The following ITGAM variants were observed in gnomAD, a reference collection of about 807,000 sequenced individuals.
ITGAM encodes the protein integrin subunit alpha M.
Under a neutral mutation model 137.5 loss-of-function variants are expected in ITGAM, and 79 were observed. That is an observed-to-expected ratio of 0.57 (90% confidence interval 0.48 to 0.69). The LOEUF (loss-of-function observed/expected upper bound fraction) is 0.69. Among genes scored for constraint, ITGAM ranks in the 30% least tolerant of loss-of-function variants. ITGAM has a pLI of 0.00. For missense variants in ITGAM, 1,343 were observed against 1,483.5 expected (o/e 0.91, Z 1.56); for synonymous variants, 583 against 592.3 (o/e 0.98, Z 0.23).
In ITGAM at chr16:31,287,616, G is replaced by A. The variant is rs762276802; in HGVS notation, c.1356+9507G>A. Among the ~76,000 whole-genome samples the A allele has an allele frequency of 2.0e-4, 30 of 151,504 alleles. No homozygotes were observed. In the East Asian group the frequency reaches 3.7e-3, roughly 19 times the overall value. On this transcript the variant is annotated intron_variant, in intron 12 of 29. Transcript: ENST00000544665. ...TGTGTTCCCAGGTACTTCATTTTTC[G>A]TTTCTGCCTGTAGTTCTGTGTGTTT...
chr16:31,324,307 C>A lies in ITGAM; in HGVS notation c.2003-92C>A. The A allele has an allele frequency of 1.9e-6, 2 of 1,060,482 alleles. No homozygotes were observed. The highest frequency in any genetic ancestry group is 2.8e-6 in the Non-Finnish European group (2 of 718,400). The allele number at this position is 1,060,482 out of a possible 1,614,324, so 65.7% of individuals were successfully genotyped here. ...GTCAGATAACATACCCCAAGTCACACAGCTGAGAAGCAGAGGAGCTGGGCC... is the reference window on the plus strand; with the variant it reads ...GTCAGATAACATACCCCAAGTCACAAAGCTGAGAAGCAGAGGAGCTGGGCC... On this transcript the variant is annotated intron_variant, in intron 16 of 29. Coordinates refer to ENST00000544665, the MANE Select transcript of ITGAM (RefSeq NM_000632.4). This position sits in a 1 kb window ranked among gnomAD's most constrained non-coding sequence, Gnocchi z 4.5.
chr16:31,302,277 A>G (rs2080204476), intron 14 of ITGAM, among the ~76,000 whole-genome samples: 1 of 152,192 alleles, frequency 6.6e-6, no homozygotes, highest in Admixed American at 6.5e-5. Context: ...AATCAACCCA[A>G]CTAGAGGCAC....
rs1173558886 is a variant in ITGAM, at chr16:31,327,099, G to GTGC, written c.2708+167_2708+169dup. The GTGC allele has an allele frequency of 5.9e-6, 4 of 672,734 alleles. No homozygotes were observed. In the Admixed American group the frequency reaches 9.1e-5, roughly 15 times the overall value. 41.7% of individuals were successfully genotyped at this position (672,734 alleles called of 1,614,324 possible). A position where few individuals can be genotyped will look rare whatever the true frequency, so the allele number is the denominator to read the frequency against. The stretch of plus-strand genomic sequence containing the variant: ...CACCACGTGCTGGGCCTTGTGCTGA[G>GTGC]TGCTGGTGGGATGGTGGTGGATCAG... On this transcript the variant is annotated intron_variant, in intron 22 of 29. Coordinates refer to ENST00000544665, the MANE Select transcript of ITGAM (RefSeq NM_000632.4).
chr16:31,319,634 T>A (rs578007291), intron 14 of ITGAM, among the ~76,000 whole-genome samples: 152 of 152,222 alleles, frequency 1.0e-3, no homozygotes, highest in Middle Eastern at 3.4e-3. Context: ...GTTTTGAGAG[T>A]TTGCTTCTGT....
At chr16:31,271,218 T>A in intron 6 of ITGAM, 134 bp downstream of exon 6, 1 of 678,046 alleles carries the variant, frequency 1.5e-6, no homozygotes, top group Admixed American at 3.8e-5. Context: ...TTTGCCTTCC[T>A]GAGTCTCTTT....
At chr16:31,274,610 A>ATATATT (rs1555465397) in intron 8 of ITGAM, among the ~76,000 whole-genome samples, 1 of 148,924 alleles carries the variant, frequency 6.7e-6, no homozygotes, top group African/African-American at 2.6e-5. Flanking sequence ...TTATTTATTT[A>ATATATT]TATTTATTTA....
At chr16:31,264,709 A>G (rs1817941156) in intron 2 of ITGAM, among the ~76,000 whole-genome samples, 1 of 151,850 alleles carries the variant, frequency 6.6e-6, no homozygotes, top group Non-Finnish European at 1.5e-5. Context: ...GCTAATTTTT[A>G]AAAACATTTT....
intron 14 of ITGAM, among the ~76,000 whole-genome samples, chr16:31,320,047 C>T (rs1297981043): frequency 2.0e-5 from 3 of 152,044 alleles, no homozygotes; most frequent in Non-Finnish European, 2.9e-5. Context: ...CTCCTGACCT[C>T]GTGATCCGCC....
rs201337283 is a variant in ITGAM at position 31,331,896 on chromosome 16, T to C, written c.*189T>C. On this transcript the variant is annotated 3_prime_UTR_variant, in exon 30 of 30. Transcript: ENST00000544665. ...GTGTCTGTGTGCAAGTGTGTGCACA[T>C]GTGTGCGTGTGCGTGCATGTGCACT... The C allele has an allele frequency of 7.4e-5, 12 of 162,672 alleles. No homozygotes were observed. Among genetic ancestry groups the C allele is most frequent in the Non-Finnish European group, 1.3e-4 (10 of 76,316 alleles). 10.1% of individuals were successfully genotyped at this position (162,672 alleles called of 1,614,324 possible). A position where few individuals can be genotyped will look rare whatever the true frequency, so the allele number is the denominator to read the frequency against.
chr16:31,283,217 G>A (rs1177829256), intron 12 of ITGAM, among the ~76,000 whole-genome samples: 4 of 152,084 alleles, frequency 2.6e-5, no homozygotes, highest in Non-Finnish European at 5.9e-5. Context: ...TCTTCTTGAG[G>A]AGTATCTTTG....
At chr16:31,271,558 G>A (rs997749982) in intron 6 of ITGAM, among the ~76,000 whole-genome samples, 2 of 152,086 alleles carry the variant, frequency 1.3e-5, no homozygotes, top group African/African-American at 4.8e-5. Flanking sequence ...TCACCATTTT[G>A]GCCAGGCTGG....
intron 12 of ITGAM, among the ~76,000 whole-genome samples, chr16:31,283,487 T>A (rs1428158103): frequency 1.3e-5 from 2 of 152,234 alleles, no homozygotes; most frequent in African/African-American, 4.8e-5. Context: ...CAATCACTGA[T>A]ACCCTTTCTC....
chr16:31,317,730 A>G (rs549950092), intron 14 of ITGAM, among the ~76,000 whole-genome samples: 2 of 152,012 alleles, frequency 1.3e-5, no homozygotes, highest in African/African-American at 2.4e-5. Context: ...ATTGATTTGC[A>G]TATGTTGAGC....
In ITGAM at chr16:31,271,912, C is replaced by T. The variant is rs748844729; in HGVS notation, c.624C>T (p.Asn208=). The part of the protein sequence containing the change: ...IHFTFKEFQN[N]PNPRSLVKPI... ...TTACCTTCAAAGAGTTCCAGAACAA[C>T]CCTAACCCAAGATCACTGGTGAAGC... Residue 208 remains asparagine (N), a synonymous_variant, in exon 7 of 30, where the codon AAC becomes AAT. Coordinates refer to ENST00000544665, the MANE Select transcript of ITGAM (RefSeq NM_000632.4). 14 of 1,614,050 alleles carry T rather than the reference C, an allele frequency of 8.7e-6. 3 individuals carry two copies. In the South Asian group the frequency reaches 1.4e-4, roughly 16 times the overall value.
chr16:31,326,542 A>C (rs1357341991), intron 21 of ITGAM, among the ~76,000 whole-genome samples: 3 of 152,056 alleles, frequency 2.0e-5, no homozygotes, highest in African/African-American at 7.2e-5. Flanking sequence ...TCACTCTCCC[A>C]AGTAGCTGGG....
At chr16:31,328,098 C>A (rs1555471393) in intron 22 of ITGAM, 49 bp from the exon 23 acceptor site, 5 of 1,414,594 alleles carry the variant, frequency 3.5e-6, no homozygotes, top group Non-Finnish European at 5.0e-6. Flanking sequence ...GGAGCAAAGA[C>A]TAACTGTCAG....
chr16:31,322,996 A>T (rs1349222871), intron 16 of ITGAM, among the ~76,000 whole-genome samples: 1 of 152,180 alleles, frequency 6.6e-6, no homozygotes, highest in Non-Finnish European at 1.5e-5. Flanking sequence ...AAGATCTAAC[A>T]AACATGTAAT....
chr16:31,330,040 G>C, intron 25 of ITGAM, 41 bp from the exon 26 acceptor site: 2 of 1,596,296 alleles, frequency 1.3e-6, no homozygotes, highest in Non-Finnish European at 1.7e-6. Flanking sequence ...AGGCCCTGGC[G>C]CCTTCATCTC....
chr16:31,270,016 C>T (rs1037001519), intron 5 of ITGAM, among the ~76,000 whole-genome samples: 1 of 152,140 alleles, frequency 6.6e-6, no homozygotes. Flanking sequence ...GGGGATGGGG[C>T]AGAAGGCAGA....
Sources: allele counts gnomAD v4.1 joint callset (sites outside exome capture counted in the v4.1 genomes callset), GRCh38; gene constraint gnomAD v4.1.1; non-coding constraint Gnocchi (gnomAD v3.1); transcripts MANE v1.5; gene names NCBI Gene and HGNC (gene_info 2026-07-23, HGNC 2026-07-21).